The following NYAP2 variants were observed in gnomAD, a reference collection of about 807,000 sequenced individuals.
NYAP2 encodes neuronal tyrosine-phosphorylated phosphoinositide-3-kinase adapter 2.
Under a neutral mutation model 50.4 loss-of-function variants are expected in NYAP2, and 23 were observed. That is an observed-to-expected ratio of 0.46 (90% CI 0.33 to 0.65). The LOEUF (loss-of-function observed/expected upper bound fraction) is 0.65, where lower values mean the gene tolerates loss of function less well. Among genes scored for constraint, NYAP2 ranks in the 30% least tolerant of loss-of-function variants. The probability of loss-of-function intolerance (pLI) is 0.02; values close to 1 mark genes in which losing one functional copy is unlikely to be tolerated. For synonymous variants in NYAP2, 394 were observed against 365.2 expected (o/e 1.08, Z -0.90); for missense variants, 885 against 861.0 (o/e 1.03, Z -0.35).
chr2:225,670,589 C>A, the NYAP2 span, among the ~76,000 whole-genome samples: 1 of 133,956 alleles, frequency 7.5e-6, no homozygotes, highest in Non-Finnish European at 1.5e-5. Context: ...CCTGGGAAAA[C>A]GTCTTCAGTA....
intron 3 of NYAP2, among the ~76,000 whole-genome samples, chr2:225,446,246 C>CTCTCTCTCTCTCTA (rs1239402824): frequency 4.9e-5 from 4 of 82,272 alleles, no homozygotes; most frequent in East Asian, 3.7e-4. Flanking sequence ...CTCTCTCTCT[C>CTCTCTCTCTCTCTA]TATATATATA....
intron 4 of NYAP2, among the ~76,000 whole-genome samples, chr2:225,540,228 G>T (rs892783828): frequency 1.3e-5 from 2 of 152,092 alleles, no homozygotes; most frequent in African/African-American, 2.4e-5. Flanking sequence ...TTCCAAAGTC[G>T]CTTCCACTTA....
At chr2:225,471,298 G>A (rs1341918682) in intron 3 of NYAP2, among the ~76,000 whole-genome samples, 4 of 152,194 alleles carry the variant, frequency 2.6e-5, no homozygotes, top group Admixed American at 6.5e-5. Flanking sequence ...ATGTGGTGAC[G>A]CAGAATGGTT....
chr2:225,426,415 T>C (rs1262898107), intron 3 of NYAP2, among the ~76,000 whole-genome samples: 1 of 152,192 alleles, frequency 6.6e-6, no homozygotes, highest in Non-Finnish European at 1.5e-5. Context: ...CAGTGTGAAC[T>C]CTTATCCACT....
intron 4 of NYAP2, among the ~76,000 whole-genome samples, chr2:225,520,365 G>A (rs1328782399): frequency 6.6e-6 from 1 of 152,128 alleles, no homozygotes; most frequent in East Asian, 1.9e-4. Context: ...TGTCCTGAAT[G>A]GTAATGCCTA....
intron 3 of NYAP2, among the ~76,000 whole-genome samples, chr2:225,506,315 AC>A (rs1473998093): frequency 6.6e-6 from 1 of 152,162 alleles, no homozygotes; most frequent in Non-Finnish European, 1.5e-5. Flanking sequence ...AGCCATTTGT[AC>A]TCAAGGCCAA....
intron 4 of NYAP2, among the ~76,000 whole-genome samples, chr2:225,560,027 C>T (rs1227798583): frequency 1.3e-5 from 2 of 151,836 alleles, no homozygotes; most frequent in Non-Finnish European, 2.9e-5. Flanking sequence ...AAAAGTAAAG[C>T]CTCATTATCA....
At chr2:225,570,888 C>T (rs1195641487) in intron 4 of NYAP2, among the ~76,000 whole-genome samples, 1 of 152,156 alleles carries the variant, frequency 6.6e-6, no homozygotes, top group African/African-American at 2.4e-5. Flanking sequence ...CACCTATGAG[C>T]CTGTAAAATC....
chr2:225,447,582 A>C (rs911408610), intron 3 of NYAP2, among the ~76,000 whole-genome samples: 2 of 152,230 alleles, frequency 1.3e-5, no homozygotes, highest in Non-Finnish European at 2.9e-5. Flanking sequence ...TGTTGAGTAC[A>C]TTCTAAACTT....
chr2:225,402,125 A>G (rs1694873446), intron 2 of NYAP2, among the ~76,000 whole-genome samples: 1 of 152,050 alleles, frequency 6.6e-6, no homozygotes, highest in Non-Finnish European at 1.5e-5. Context: ...GAGCCAACTC[A>G]GCAAAGAAAG....
At chr2:225,658,233 C>A (rs572866849), downstream of NYAP2, among the ~76,000 whole-genome samples, 1 of 152,100 alleles carries the variant, frequency 6.6e-6, no homozygotes, top group Non-Finnish European at 1.5e-5. Flanking sequence ...AAAATTGGCT[C>A]TTATTATTTA....
chr2:225,568,043 T>C (rs970762786), intron 4 of NYAP2, among the ~76,000 whole-genome samples: 3 of 152,186 alleles, frequency 2.0e-5, no homozygotes, highest in Non-Finnish European at 4.4e-5. Flanking sequence ...TGATAGTCTT[T>C]CAAATGGTCT....
intron 4 of NYAP2, among the ~76,000 whole-genome samples, chr2:225,516,919 T>G (rs1011060587): frequency 6.6e-6 from 1 of 152,122 alleles, no homozygotes; most frequent in Admixed American, 6.6e-5. Context: ...AAAATCAAAA[T>G]ATTGATTCAG....
At chr2:225,572,773 A>T (rs1186878599) in intron 4 of NYAP2, among the ~76,000 whole-genome samples, 8 of 152,226 alleles carry the variant, frequency 5.3e-5, no homozygotes, top group African/African-American at 1.9e-4. Context: ...CTCTACTAGC[A>T]TGCTGAGTCC....
chr2:225,495,181 A>G (rs1690481392), intron 3 of NYAP2, among the ~76,000 whole-genome samples: 1 of 152,192 alleles, frequency 6.6e-6, no homozygotes, highest in African/African-American at 2.4e-5. Context: ...ACCTGAGTAT[A>G]AGAAACAGCA....
At chr2:225,627,873 C>T (rs892254500) in intron 6 of NYAP2, among the ~76,000 whole-genome samples, 1 of 152,174 alleles carries the variant, frequency 6.6e-6, no homozygotes, top group Non-Finnish European at 1.5e-5. Context: ...AATCAAGGAA[C>T]CTCCTGTAGT....
chr2:225,606,995 C>G (rs1270692838), intron 5 of NYAP2, among the ~76,000 whole-genome samples: 1 of 152,082 alleles, frequency 6.6e-6, no homozygotes, highest in East Asian at 1.9e-4. Context: ...GTTAGAAAAT[C>G]TCCTTGAAAC....
intron 3 of NYAP2, among the ~76,000 whole-genome samples, chr2:225,412,861 G>A (rs1159270052): frequency 2.0e-5 from 3 of 152,078 alleles, no homozygotes; most frequent in Non-Finnish European, 4.4e-5. Flanking sequence ...CTCCCATCAG[G>A]ACACACTCAG....
At chr2:225,417,352 A>G (rs1695143530) in intron 3 of NYAP2, among the ~76,000 whole-genome samples, 1 of 152,134 alleles carries the variant, frequency 6.6e-6, no homozygotes, top group Non-Finnish European at 1.5e-5. Context: ...AATTTTAATC[A>G]TGAATTGGTA....
Sources: allele counts gnomAD v4.1 joint callset (sites outside exome capture counted in the v4.1 genomes callset), GRCh38; gene constraint gnomAD v4.1.1; transcripts MANE v1.5; gene names NCBI Gene and HGNC (gene_info 2026-07-23, HGNC 2026-07-21).